The following ABCC1 variants were observed in gnomAD, a reference collection of about 807,000 sequenced individuals.
ABCC1 encodes ATP binding cassette subfamily C member 1 (ABCC1 blood group).
In ABCC1, 83 loss-of-function variants were observed where a neutral mutation model predicts 172.9. The ratio of observed to expected loss-of-function variants is 0.48; its 90% CI spans 0.40 to 0.58. The LOEUF (loss-of-function observed/expected upper bound fraction) is 0.58. Ranked by LOEUF, ABCC1 falls within the 20% of genes least tolerant of loss-of-function variation. ABCC1 has a pLI of 0.00. For missense variants in ABCC1, 1,817 were observed against 2,002.7 expected, an observed-to-expected ratio of 0.91 and a Z score of 1.77; for synonymous variants, 937 against 825.2, an observed-to-expected ratio of 1.14 and a Z score of -2.32.
At chr16:16,085,391 C>T (rs1377262049) in intron 17 of ABCC1, among the ~76,000 whole-genome samples, 1 of 152,250 alleles carries the variant, frequency 6.6e-6, no homozygotes, top group East Asian at 1.9e-4. Flanking sequence ...TGGCCCATTT[C>T]TGTTTTTAGT....
intron 17 of ABCC1, 141 bp from the exon 18 acceptor site, chr16:16,086,683 G>C: frequency 2.4e-6 from 2 of 822,362 alleles, no homozygotes; most frequent in Non-Finnish European, 3.9e-6. Context: ...TGCTCAGGCT[G>C]GTCTCAAACC....
chr16:16,107,193 G>C (rs1243693031), intron 21 of ABCC1, among the ~76,000 whole-genome samples: 1 of 152,146 alleles, frequency 6.6e-6, no homozygotes, highest in Non-Finnish European at 1.5e-5. Flanking sequence ...CTTTAAATCA[G>C]GGCTTCCTGC....
intron 4 of ABCC1, among the ~76,000 whole-genome samples, chr16:16,015,260 C>G (rs891177317): frequency 6.6e-6 from 1 of 152,168 alleles, no homozygotes; most frequent in Non-Finnish European, 1.5e-5. Flanking sequence ...CTGCCTCAGC[C>G]TCCCCAGTAG....
intron 1 of ABCC1, among the ~76,000 whole-genome samples, chr16:15,962,344 TGCTAATGTC>T (rs1476216141): frequency 6.6e-6 from 1 of 152,246 alleles, no homozygotes; most frequent in Non-Finnish European, 1.5e-5. Context: ...AGTCTCACCA[TGCTAATGTC>T]ACTCTGATTT....
intron 8 of ABCC1, 119 bp from the exon 9 acceptor site, chr16:16,045,717 G>T: frequency 1.0e-6 from 1 of 992,492 alleles, no homozygotes; most frequent in South Asian, 1.6e-5. Context: ...CTATGAAATT[G>T]AAGTGATAGT....
In ABCC1 at chr16:16,026,465, C is replaced by CTTTTT. The variant is rs1157942197; in HGVS notation, c.616-6625_616-6621dup. On this transcript the variant is annotated intron_variant, in intron 5 of 30. Transcript: ENST00000399410. ...AAAAAAAAAAAAAAAAGGCTATTTC[C>CTTTTT]TTTTTTTTTTTTTTTTTTTTTTTGC... is the stretch of plus-strand genomic sequence containing the variant. 9.6e-4 allele frequency among the ~76,000 whole-genome samples: 92 copies of CTTTTT among 95,430 alleles called. 3 individuals are homozygous for CTTTTT. Among genetic ancestry groups the CTTTTT allele is most frequent in the East Asian group, 1.4e-3 (4 of 2,794 alleles). The allele number at this position is 95,430 out of a possible 152,430, so 62.6% of individuals were successfully genotyped here.
chr16:16,048,168 A>C lies in ABCC1; in HGVS notation c.1245A>C (p.Arg415Ser), dbSNP rs773438933. ...RKALVITNSARKSSTVGEIVN... is the reference protein window; with the variant it reads ...RKALVITNSASKSSTVGEIVN... ...CCCTGGTGATCACCAATTCAGCCAG[A>C]AAATCCTCCACGGTCGGGGAGATTG... is the stretch of plus-strand genomic sequence containing the variant. Residue 415 changes from arginine to serine, a missense_variant, in exon 10 of 31, where the codon AGA becomes AGC. Transcript: ENST00000399410. 3.7e-6 allele frequency: 6 copies of C among 1,614,068 alleles called. No individual in the cohort carries two copies. The highest frequency in any genetic ancestry group is 5.1e-6 in the Non-Finnish European group (6 of 1,180,044).
At chr16:16,136,695 C>G in intron 29 of ABCC1, 51 bp downstream of exon 29, 1 of 1,589,582 alleles carries the variant, frequency 6.3e-7, no homozygotes, top group East Asian at 2.3e-5. Context: ...TAGGCGCCAT[C>G]TCGGTAGGGG....
chr16:15,990,960 GC>G (rs1444375708), intron 1 of ABCC1, among the ~76,000 whole-genome samples: 2 of 151,982 alleles, frequency 1.3e-5, no homozygotes, highest in African/African-American at 4.8e-5. Flanking sequence ...ACTGCGCCCG[GC>G]CAGGATTTCT....
intron 22 of ABCC1, among the ~76,000 whole-genome samples, chr16:16,113,313 T>C (rs922415661): frequency 6.6e-6 from 1 of 152,204 alleles, no homozygotes; most frequent in Non-Finnish European, 1.5e-5. Context: ...CTGTGCTGTC[T>C]GGTGCGGTAG....
At chr16:15,959,361 T>G (rs1429455201) in intron 1 of ABCC1, among the ~76,000 whole-genome samples, 2 of 152,230 alleles carry the variant, frequency 1.3e-5, no homozygotes, top group Non-Finnish European at 2.9e-5. Context: ...GGTCTCCCTC[T>G]GTCACCCAGG....
At chr16:15,970,224 C>T (rs1401930853) in intron 1 of ABCC1, among the ~76,000 whole-genome samples, 2 of 152,184 alleles carry the variant, frequency 1.3e-5, no homozygotes, top group Non-Finnish European at 2.9e-5. Flanking sequence ...CAGGCCCCTC[C>T]CATCTTGTTG....
intron 5 of ABCC1, among the ~76,000 whole-genome samples, chr16:16,023,548 G>A (rs925073920): frequency 6.6e-6 from 1 of 152,180 alleles, no homozygotes; most frequent in Non-Finnish European, 1.5e-5. Context: ...TCTCCGTCAT[G>A]CTTTCAGTCA....
chr16:15,984,020 A>G (rs2046688781), intron 1 of ABCC1, among the ~76,000 whole-genome samples: 1 of 152,036 alleles, frequency 6.6e-6, no homozygotes, highest in African/African-American at 2.4e-5. Context: ...GCAAAGCCGG[A>G]TTGGTGTGTG....
At chr16:16,102,606 C>A (rs370298861) in intron 19 of ABCC1, 21 bp from the exon 20 acceptor site, 1 of 1,561,286 alleles carries the variant, frequency 6.4e-7, no homozygotes, top group Non-Finnish European at 8.7e-7. Flanking sequence ...CCACTTGCCC[C>A]CTTTGTCTCT....
intron 13 of ABCC1, among the ~76,000 whole-genome samples, chr16:16,068,757 C>T (rs752414219): frequency 1.4e-4 from 22 of 152,068 alleles, no homozygotes; most frequent in Non-Finnish European, 2.6e-4. Context: ...GAGGCTGAGG[C>T]GGGTAGATCA....
At chr16:16,013,966 A>C (rs1435747655) in intron 3 of ABCC1, among the ~76,000 whole-genome samples, 1 of 152,164 alleles carries the variant, frequency 6.6e-6, no homozygotes, top group Non-Finnish European at 1.5e-5. Flanking sequence ...GCATCAGGGC[A>C]AGTGGGTTTT....
intron 25 of ABCC1, 64 bp from the exon 26 acceptor site, chr16:16,125,746 A>AAAAAAAAAT: frequency 6.6e-6 from 8 of 1,213,500 alleles, no homozygotes; most frequent in Non-Finnish European, 8.2e-6. Flanking sequence ...GTGGAAAAAA[A>AAAAAAAAAT]GAAAAAGGAA....
intron 16 of ABCC1, among the ~76,000 whole-genome samples, chr16:16,080,289 GT>G (rs1418369487): frequency 6.6e-6 from 1 of 152,112 alleles, no homozygotes; most frequent in Non-Finnish European, 1.5e-5. Flanking sequence ...AAACAAAAAT[GT>G]TTATGTGGTT....
Sources: gnomAD v4.1 joint callset for allele counts (sites outside exome capture counted in the v4.1 genomes callset) on GRCh38, gnomAD v4.1.1 for gene constraint, MANE v1.5 for transcripts, NCBI Gene and HGNC (gene_info 2026-07-23, HGNC 2026-07-21) for gene names.